ATP13A2: variants seen among roughly 807,000 people sequenced by gnomAD.
ATP13A2 encodes polyamine-transporting ATPase 13A2.
Under a neutral mutation model 138.3 loss-of-function variants are expected in ATP13A2, and 83 were observed. The observed-to-expected ratio is 0.60, with a 90% CI of 0.50 to 0.72. The LOEUF is 0.72. Ranked by LOEUF, ATP13A2 falls within the 30% of genes least tolerant of loss-of-function variation. The pLI is 0.00. For missense variants in ATP13A2, 1,402 were observed against 1,606.4 expected (o/e 0.87, Z 2.17); for synonymous variants, 663 against 699.0 (o/e 0.95, Z 0.81).
intron 1 of ATP13A2, among the ~76,000 whole-genome samples, chr1:17,009,836 C>A (rs573913804): frequency 6.6e-6 from 1 of 152,240 alleles, no homozygotes; most frequent in African/African-American, 2.4e-5. Flanking sequence ...TCAACCTTGG[C>A]AAAGAGGAAA....
rs1326739914 is a variant in ATP13A2 at position 17,000,400 on chromosome 1, C to A, written c.840G>T (p.Lys280Asn). The change falls in exon 9 of 29, where the codon AAG becomes AAT. Residue 280 changes from lysine to asparagine, a missense_variant and splice_region_variant. By Grantham distance (94) the Lys-to-Asn change is moderately conservative (BLOSUM62 0). Transcript: ENST00000326735. ...SICLSLYKTRKQSQTLRDMVK... is the reference protein window; with the variant it reads ...SICLSLYKTRNQSQTLRDMVK... ...TCCCCACCCACCTTATGGCACTCAC[C>A]TTTCTGGTCTTGTACAGCGACAGGC... is the stretch of plus-strand genomic sequence containing the variant. 12 of 1,612,122 alleles carry A rather than the reference C, an allele frequency of 7.4e-6. No individual in the cohort carries two copies. The highest frequency in any genetic ancestry group is 1.0e-5 in the Non-Finnish European group (12 of 1,179,126).
rs567744744 is a variant in ATP13A2 at position 17,005,206 on chromosome 1, C to T, written c.289-134G>A. On this transcript the variant is annotated intron_variant, in intron 3 of 28. Coordinates refer to ENST00000326735, the MANE Select transcript of ATP13A2 (RefSeq NM_022089.4). ...AGAGCCCTCCAGAAACCACCCGACC[C>T]GTCCCTTCTGCCCAATGCTCAGATG... 10 of 1,457,122 alleles carry T rather than the reference C, an allele frequency of 6.9e-6. No individual in the cohort carries two copies. In the African/African-American group the frequency reaches 1.1e-4, roughly 16 times the overall value. The allele number at this position is 1,457,122 out of a possible 1,614,324, so 90.3% of individuals were successfully genotyped here.
At position 16,988,139 on chromosome 1, in the gene ATP13A2, G is replaced by T. The variant is rs148721722; in HGVS notation, c.2858C>A (p.Thr953Lys). 5.0e-6 allele frequency: 8 copies of T among 1,612,310 alleles called. No homozygotes were observed. The African/African-American group carries it at 9.3e-5, about 19-fold the overall frequency. ...TQFISVLILY[T>K]INTNLGDLQF... is the part of the protein sequence containing the mutation. ...GTACGGAGCTCTGCAGATACTCACC[G>T]TGTAGAGGATCAGGACGGAGATGAA... The change falls in exon 25 of 29, where the codon ACG (threonine) becomes AAG (lysine). Residue 953 changes from threonine to lysine, a missense_variant and splice_region_variant. By Grantham distance (78) the Thr-to-Lys change is moderately conservative (BLOSUM62 -1). Coordinates refer to ENST00000326735, the MANE Select transcript of ATP13A2 (RefSeq NM_022089.4).
intron 1 of ATP13A2, among the ~76,000 whole-genome samples, chr1:17,010,722 T>C (rs2077752931): frequency 6.6e-6 from 1 of 152,228 alleles, no homozygotes; most frequent in African/African-American, 2.4e-5. Context: ...GGGCCAAGAC[T>C]GGACTTGAAC....
intron 11 of ATP13A2, among the ~76,000 whole-genome samples, chr1:16,998,267 C>T (rs921746035): frequency 3.9e-5 from 6 of 152,102 alleles, no homozygotes; most frequent in African/African-American, 9.6e-5. Flanking sequence ...TGCAGTGGTG[C>T]GATCTCGGCT....
chr1:16,993,890 C>A, intron 15 of ATP13A2, 55 bp from the exon 16 acceptor site: 1 of 1,431,220 alleles, frequency 7.0e-7, no homozygotes, highest in Non-Finnish European at 9.3e-7. Context: ...GGGTACCCTG[C>A]TGAGCTGGGC....
chr1:17,005,142 G>A, intron 3 of ATP13A2, 70 bp from the exon 4 acceptor site: 1 of 1,598,752 alleles, frequency 6.3e-7, no homozygotes. Context: ...CCTACAGCCA[G>A]GCGGCCCCTG....
At chr1:17,010,010 G>A (rs1411598308) in intron 1 of ATP13A2, among the ~76,000 whole-genome samples, 1 of 152,154 alleles carries the variant, frequency 6.6e-6, no homozygotes, top group Non-Finnish European at 1.5e-5. Flanking sequence ...GCCCAGAACA[G>A]GCACCCACAG....
chr1:16,998,489 A>C (rs2077225693), intron 11 of ATP13A2, among the ~76,000 whole-genome samples: 1 of 152,280 alleles, frequency 6.6e-6, no homozygotes, highest in South Asian at 2.1e-4. Flanking sequence ...TACAGGTGCG[A>C]GCCACTGCGC....
intron 1 of ATP13A2, among the ~76,000 whole-genome samples, chr1:17,006,981 C>T (rs897692138): frequency 1.3e-5 from 2 of 152,164 alleles, no homozygotes; most frequent in Non-Finnish European, 2.9e-5. Context: ...ACCTCTGCCT[C>T]CCAGGTTCAA....
intron 25 of ATP13A2, 111 bp downstream of exon 25, chr1:16,988,027 G>T: frequency 9.9e-7 from 1 of 1,005,322 alleles, no homozygotes; most frequent in Non-Finnish European, 1.6e-6. Flanking sequence ...GGCAGGGTCA[G>T]GATCTGGGCC....
At chr1:17,003,708 GGCTAGAGT>G (rs2077450394) in intron 6 of ATP13A2, among the ~76,000 whole-genome samples, 1 of 147,670 alleles carries the variant, frequency 6.8e-6, no homozygotes, top group Non-Finnish European at 1.5e-5. Flanking sequence ...CTGTCATCCA[GGCTAGAGT>G]GCAGTGGCGC....
chr1:16,989,547 G>C (rs2076849686), intron 23 of ATP13A2, 144 bp downstream of exon 23: 1 of 781,594 alleles, frequency 1.3e-6, no homozygotes, highest in Non-Finnish European at 2.2e-6. Flanking sequence ...ACCTGGGAGA[G>C]CCTGCCTGCT....
Position 16,986,315 on chromosome 1 carries a change from C to T in ATP13A2, c.3449G>A (p.Arg1150Gln), listed in dbSNP as rs780245221. 2.8e-5 allele frequency: 44 copies of T among 1,588,824 alleles called. No homozygotes were observed. Among genetic ancestry groups the T allele is most frequent in the Middle Eastern group, 3.4e-4 (2 of 5,968 alleles). ...GCGCTTCTTGGAGGCCCGCTTGGGC[C>T]GGAGGCGGCGCAGGCAGGCGGGGAG... is the stretch of plus-strand genomic sequence containing the variant. Reference protein sequence around the residue: ...QCLPACLRRLRPKRASKKRFK... With the variant: ...QCLPACLRRLQPKRASKKRFK... The change falls in exon 29 of 29, where the codon CGG (arginine) becomes CAG (glutamine). Residue 1150 changes from arginine (R) to glutamine (Q), a missense_variant. Transcript: ENST00000326735. This position sits in a 1 kb window ranked among gnomAD's most constrained non-coding sequence, Gnocchi z 6.9.
rs773279981 is a variant in ATP13A2, at chr1:17,005,499, AGACCAC to A, written c.157_162del (p.Val53_Val54del). The A allele has an allele frequency of 6.2e-7, 1 of 1,614,148 alleles. No individual in the cohort carries two copies. The highest frequency in any genetic ancestry group is 8.5e-7 in the Non-Finnish European group (1 of 1,180,058). ...AGCAAAGGGATCCCAGCCATCATCC[AGACCAC>A]GACGTGATAGCCGATGACCCTCCAT... On this transcript the variant is annotated inframe_deletion, in exon 3 of 29. Transcript: ENST00000326735.
chr1:16,999,867 C>T, intron 11 of ATP13A2, 144 bp downstream of exon 11: 1 of 1,214,566 alleles, frequency 8.2e-7, no homozygotes, highest in Non-Finnish European at 1.1e-6. Flanking sequence ...TGTCACTGCA[C>T]TCCAGCCTGG....
chr1:16,993,821 A>C lies in ATP13A2; in HGVS notation c.1557T>G (p.Thr519=). Residue 519 remains threonine, a synonymous_variant, in exon 16 of 29, where the codon ACT becomes ACG. Transcript: ENST00000326735. ...LVCFDKTGTL[T]EDGLDVMGVV... ...CCCCCATCACGTCTAAGCCGTCCTC[A>C]GTGAGGGTGCCCGTCTGTGGGAGAC... The C allele has an allele frequency of 6.4e-7, 1 of 1,564,420 alleles. No individual in the cohort carries two copies. Among genetic ancestry groups the C allele is most frequent in the African/African-American group, 1.4e-5 (1 of 73,790 alleles).
chr1:17,011,697 G>A lies in ATP13A2; in HGVS notation c.10+32C>T, dbSNP rs978594273. The A allele has an allele frequency of 2.7e-6, 4 of 1,483,648 alleles. No individual in the cohort carries two copies. The highest frequency in any genetic ancestry group is 4.5e-5 in the Admixed American group (2 of 44,176). The allele number at this position is 1,483,648 out of a possible 1,614,324, so 91.9% of individuals were successfully genotyped here. The stretch of plus-strand genomic sequence containing the variant: ...CAACTGGCGGGCCGGGGACCGCGCC[G>A]GGCTCGGGGCCGACCCGGACTCCGC... On this transcript the variant is annotated intron_variant, in intron 1 of 28. Transcript: ENST00000326735. The surrounding 1 kb of genome is among the most constrained non-coding windows in gnomAD (Gnocchi z 7.3).
intron 15 of ATP13A2, 62 bp from the exon 16 acceptor site, chr1:16,993,897 G>A (rs915534956): frequency 6.4e-6 from 9 of 1,407,700 alleles, no homozygotes; most frequent in African/African-American, 1.4e-5. Context: ...CTGCTGAGCT[G>A]GGCCTCCAAA....
Sources: gnomAD v4.1 joint callset for allele counts (sites outside exome capture counted in the v4.1 genomes callset) on GRCh38, gnomAD v4.1.1 for gene constraint, Gnocchi (gnomAD v3.1) non-coding constraint, MANE v1.5 for transcripts, NCBI Gene and HGNC (gene_info 2026-07-23, HGNC 2026-07-21) for gene names.